Variants in PKHD1 observed in about 807,000 individuals in gnomAD.
PKHD1 encodes the protein PKHD1 ciliary IPT domain containing fibrocystin/polyductin.
Under a neutral mutation model 412.0 loss-of-function variants are expected in PKHD1, and 291 were observed. The ratio of observed to expected loss-of-function variants is 0.71; its 90% CI spans 0.64 to 0.78. PKHD1 has a LOEUF of 0.78. Among genes scored for constraint, PKHD1 ranks in the 30% least tolerant of loss-of-function variants. The probability of loss-of-function intolerance (pLI) is 0.00; values close to 1 mark genes in which losing one functional copy is unlikely to be tolerated. For synonymous variants in PKHD1, 1,777 were observed against 1,821.5 expected, an observed-to-expected ratio of 0.98 and a Z score of 0.62; for missense variants, 4,825 against 4,950.7, an observed-to-expected ratio of 0.97 and a Z score of 0.76.
In PKHD1 at chr6:51,659,789, G is replaced by T. The variant is rs750754970; in HGVS notation, c.10337C>A (p.Ala3446Asp). The T allele has an allele frequency of 1.2e-6, 2 of 1,613,294 alleles. No individual in the cohort carries two copies. Among genetic ancestry groups the T allele is most frequent in the East Asian group, 4.5e-5 (2 of 44,854 alleles). Residue 3446 changes from alanine to aspartate, a missense_variant, in exon 61 of 67, where the codon GCC (alanine) becomes GAC (aspartate). Physicochemically the swap from Ala to Asp is moderately radical, Grantham distance 126. Transcript: ENST00000371117. The stretch of plus-strand genomic sequence containing the variant: ...CCCAGAAGTAGAGCAGGGAATATTG[G>T]CATTTACACTGCTAAAGACATCAAC... ...GFVDVFSSVN[A>D]NIPCSTSGSV...
intron 35 of PKHD1, among the ~76,000 whole-genome samples, chr6:51,983,160 CCA>C (rs1166891366): frequency 3.3e-5 from 5 of 152,158 alleles, no homozygotes; most frequent in African/African-American, 1.2e-4. Context: ...GCAGGACTAT[CCA>C]CAGTCATAAC....
At chr6:51,768,433 T>C (rs1473238049) in intron 55 of PKHD1, among the ~76,000 whole-genome samples, 1 of 152,012 alleles carries the variant, frequency 6.6e-6, no homozygotes, top group Non-Finnish European at 1.5e-5. Context: ...TTTGTTTTTA[T>C]AGGTTCTGTA....
chr6:51,855,762 A>T, intron 49 of PKHD1, 131 bp downstream of exon 49: 1 of 767,430 alleles, frequency 1.3e-6, no homozygotes. Flanking sequence ...AGTTTTCTTT[A>T]TCTGCATCAG....
At chr6:51,748,693 C>T in intron 57 of PKHD1, 28 bp from the exon 58 acceptor site, 4 of 1,608,028 alleles carry the variant, frequency 2.5e-6, no homozygotes, top group Non-Finnish European at 2.6e-6. Flanking sequence ...TCATCAGGTA[C>T]TTTCCTCTTC....
chr6:51,918,524 T>A (rs1784184020), intron 37 of PKHD1, among the ~76,000 whole-genome samples: 1 of 152,226 alleles, frequency 6.6e-6, no homozygotes, highest in South Asian at 2.1e-4. Context: ...GGACATGAAC[T>A]CATCCTTTTT....
At chr6:51,721,876 A>G in intron 60 of PKHD1, 1 of 1,577,918 alleles carries the variant, frequency 6.3e-7, no homozygotes, top group Non-Finnish European at 8.6e-7. Flanking sequence ...AACAATTGAA[A>G]CAGTGTCTTA....
chr6:52,002,950 G>C (rs1798616367), intron 35 of PKHD1, among the ~76,000 whole-genome samples: 1 of 152,130 alleles, frequency 6.6e-6, no homozygotes, highest in African/African-American at 2.4e-5. Flanking sequence ...ATCCAGTACA[G>C]ACATATATGC....
At position 51,693,476 on chromosome 6, in the gene PKHD1, T is replaced by C. The variant is rs141186179; in HGVS notation, c.10157-33507A>G. On this transcript the variant is annotated intron_variant, in intron 60 of 66. Transcript: ENST00000371117. ...ATGTGCCTGGGACCTTGTGAAGTGG[T>C]TTACAAAGATTGTAGCAAATCTAAT... Among the ~76,000 whole-genome samples, 94 of 152,320 alleles carry C rather than the reference T, an allele frequency of 6.2e-4. No homozygotes were observed. The Middle Eastern group carries it at 0.01, about 17-fold the overall frequency.
At chr6:51,833,486 T>C (rs1005853088) in intron 51 of PKHD1, among the ~76,000 whole-genome samples, 1 of 152,136 alleles carries the variant, frequency 6.6e-6, no homozygotes, top group African/African-American at 2.4e-5. Flanking sequence ...TGACTATTAT[T>C]GACAATCAAA....
chr6:52,050,189 C>A lies in PKHD1; in HGVS notation c.2247G>T (p.Gly749=). 6.2e-7 allele frequency: 1 copy of A among 1,614,166 alleles called. No homozygotes were observed. The highest frequency in any genetic ancestry group is 8.5e-7 in the Non-Finnish European group (1 of 1,179,998). The change falls in exon 22 of 67, where the codon GGG becomes GGT. Residue 749 remains glycine, a synonymous_variant. Coordinates refer to ENST00000371117, the MANE Select transcript of PKHD1 (RefSeq NM_138694.4). ...PVYSVTSWLA[G]CGTELPLITA... ...TGATGAGCGGGAGCTCCGTGCCACA[C>A]CCCGCCAGCCAGGAGGTGACACTGT...
chr6:51,643,922 T>G (rs1769727716), intron 63 of PKHD1, among the ~76,000 whole-genome samples: 1 of 151,786 alleles, frequency 6.6e-6, no homozygotes, highest in African/African-American at 2.4e-5. Context: ...TGGAAAACAT[T>G]TGGTGTCTTA....
chr6:51,756,391 G>A (rs1455307078), intron 55 of PKHD1, among the ~76,000 whole-genome samples: 2 of 152,130 alleles, frequency 1.3e-5, no homozygotes, highest in Non-Finnish European at 2.9e-5. Context: ...ATAAAGTCCA[G>A]CATTTTTTCC....
chr6:51,648,149 A>T, intron 62 of PKHD1, 31 bp from the exon 63 acceptor site: 1 of 1,236,618 alleles, frequency 8.1e-7, no homozygotes, highest in Non-Finnish European at 1.2e-6. Flanking sequence ...AGGGAGGAAG[A>T]AAAAGTTGGA....
chr6:52,059,301 T>C (rs1808320721), intron 15 of PKHD1, among the ~76,000 whole-genome samples: 1 of 141,006 alleles, frequency 7.1e-6, no homozygotes, highest in Admixed American at 7.4e-5. Context: ...GGTCTCACTC[T>C]GTTGCCCAGA....
At chr6:51,651,753 G>A (rs1007032821) in intron 61 of PKHD1, among the ~76,000 whole-genome samples, 2 of 152,036 alleles carry the variant, frequency 1.3e-5, no homozygotes, top group African/African-American at 4.8e-5. Context: ...GCGAATTAAC[G>A]TTAATTGATT....
intron 13 of PKHD1, among the ~76,000 whole-genome samples, chr6:52,064,133 T>G (rs1809128818): frequency 6.6e-6 from 1 of 152,242 alleles, no homozygotes; most frequent in Non-Finnish European, 1.5e-5. Flanking sequence ...TTAGAAAGGT[T>G]TCTTCCCCTG....
At chr6:51,641,569 T>C (rs992577941) in intron 63 of PKHD1, among the ~76,000 whole-genome samples, 3 of 152,178 alleles carry the variant, frequency 2.0e-5, no homozygotes, top group African/African-American at 7.2e-5. Flanking sequence ...TTATAAATCA[T>C]GCTACTATAA....
At chr6:51,672,383 G>A (rs1274110119) in intron 60 of PKHD1, among the ~76,000 whole-genome samples, 1 of 152,208 alleles carries the variant, frequency 6.6e-6, no homozygotes, top group Non-Finnish European at 1.5e-5. Context: ...AGTGGAAAGA[G>A]AGAATTATCC....
At chr6:51,681,708 T>C (rs557104389) in intron 60 of PKHD1, among the ~76,000 whole-genome samples, 2 of 152,084 alleles carry the variant, frequency 1.3e-5, no homozygotes, top group East Asian at 3.9e-4. Context: ...ACTATTTAAT[T>C]GAAAGAGGTG....
Sources: allele counts gnomAD v4.1 joint callset (sites outside exome capture counted in the v4.1 genomes callset), GRCh38; gene constraint gnomAD v4.1.1; transcripts MANE v1.5; gene names NCBI Gene and HGNC (gene_info 2026-07-23, HGNC 2026-07-21).